The following SPAG16 variants were observed in gnomAD, a reference collection of about 807,000 sequenced individuals.
SPAG16 encodes the protein sperm-associated antigen 16 protein.
SPAG16 carries 86 observed loss-of-function variants against 80.4 expected under a neutral mutation model. The ratio of observed to expected loss-of-function variants is 1.07; its 90% CI spans 0.90 to 1.28. The LOEUF (loss-of-function observed/expected upper bound fraction) is 1.28, where lower values mean the gene tolerates loss of function less well. Among genes scored for constraint, SPAG16 ranks in the 50% most tolerant of loss-of-function variants. The pLI, the probability that SPAG16 is intolerant of heterozygous loss-of-function variation, is 0.00. For missense variants in SPAG16, 870 were observed against 765.3 expected (o/e 1.14, Z -1.61); for synonymous variants, 294 against 265.9 (o/e 1.11, Z -1.03).
chr2:213,860,437 T>TATATATAGATATATGTATATA (rs72116627), intron 10 of SPAG16, among the ~76,000 whole-genome samples: 9 of 133,606 alleles, frequency 6.7e-5, no homozygotes, highest in Middle Eastern at 3.8e-3. Flanking sequence ...ATCTATATAT[T>TATATATAGATATATGTATATA]TATAGATATA....
chr2:214,149,070 T>C, intron 14 of SPAG16, 70 bp from the exon 15 acceptor site: 2 of 362,342 alleles, frequency 5.5e-6, no homozygotes, highest in Non-Finnish European at 7.6e-6. Context: ...TATATGTGTG[T>C]GTGTGTGTAT....
At chr2:213,648,757 A>G (rs1317254707) in intron 10 of SPAG16, among the ~76,000 whole-genome samples, 2 of 152,206 alleles carry the variant, frequency 1.3e-5, no homozygotes, top group Non-Finnish European at 2.9e-5. Context: ...AGAATATCAT[A>G]TCCTCCTCCA....
chr2:213,641,579 A>G (rs1332894885), intron 10 of SPAG16, among the ~76,000 whole-genome samples: 1 of 152,182 alleles, frequency 6.6e-6, no homozygotes, highest in African/African-American at 2.4e-5. Flanking sequence ...AAAGTCAGAA[A>G]TGGCTTCCTT....
intron 10 of SPAG16, among the ~76,000 whole-genome samples, chr2:213,765,251 C>T (rs942104159): frequency 2.0e-5 from 3 of 152,114 alleles, no homozygotes; most frequent in Admixed American, 1.3e-4. Flanking sequence ...TGTCTGTAAT[C>T]CCAGCTACTC....
intron 12 of SPAG16, among the ~76,000 whole-genome samples, chr2:213,948,370 T>C (rs2079563145): frequency 6.6e-6 from 1 of 152,142 alleles, no homozygotes; most frequent in Non-Finnish European, 1.5e-5. Flanking sequence ...ACAAATCCCA[T>C]CAAAATTTGA....
intron 9 of SPAG16, among the ~76,000 whole-genome samples, chr2:213,405,554 T>A (rs2068567293): frequency 6.6e-6 from 1 of 152,210 alleles, no homozygotes; most frequent in African/African-American, 2.4e-5. Context: ...CCTATGGTGC[T>A]CTCAAACACT....
chr2:214,172,873 G>C (rs1279189676), intron 15 of SPAG16, among the ~76,000 whole-genome samples: 6 of 152,196 alleles, frequency 3.9e-5, no homozygotes, highest in Middle Eastern at 6.8e-3. Context: ...ATTTTTTCAT[G>C]TGTTTTTTGG....
intron 13 of SPAG16, among the ~76,000 whole-genome samples, chr2:214,062,418 CAAAAAAAAAAAAAAAAA>C (rs56693089): frequency 1.8e-5 from 1 of 55,372 alleles, no homozygotes; most frequent in Non-Finnish European, 3.3e-5. Flanking sequence ...GACTCTGACT[CAAAAAAAAAAAAAAAAA>C]AAAAAAAAAG....
At chr2:214,283,798 C>T (rs936366483) in intron 15 of SPAG16, among the ~76,000 whole-genome samples, 1 of 152,088 alleles carries the variant, frequency 6.6e-6, no homozygotes, top group African/African-American at 2.4e-5. Context: ...AGATATTCAG[C>T]CAATTCCTTT....
At chr2:214,204,915 A>G (rs1162529885) in intron 15 of SPAG16, among the ~76,000 whole-genome samples, 1 of 152,154 alleles carries the variant, frequency 6.6e-6, no homozygotes, top group African/African-American at 2.4e-5. Context: ...GTGAAGTCCA[A>G]ATTAATGAAA....
At chr2:213,677,691 C>A (rs2064157566) in intron 10 of SPAG16, among the ~76,000 whole-genome samples, 1 of 152,184 alleles carries the variant, frequency 6.6e-6, no homozygotes, top group Non-Finnish European at 1.5e-5. Flanking sequence ...ACCCCACTGT[C>A]AACGTTAGAC....
At chr2:213,579,461 AG>A (rs1330029077) in intron 10 of SPAG16, among the ~76,000 whole-genome samples, 1 of 152,178 alleles carries the variant, frequency 6.6e-6, no homozygotes, top group East Asian at 1.9e-4. Flanking sequence ...TCTTTTAAAA[AG>A]AAATGTACCT....
At chr2:213,722,651 T>C (rs922695839) in intron 10 of SPAG16, among the ~76,000 whole-genome samples, 2 of 152,174 alleles carry the variant, frequency 1.3e-5, no homozygotes, top group Non-Finnish European at 2.9e-5. Flanking sequence ...AGGATTATGA[T>C]GCGGTTTAGG....
At chr2:214,000,224 G>A (rs1207149410) in intron 12 of SPAG16, among the ~76,000 whole-genome samples, 2 of 152,162 alleles carry the variant, frequency 1.3e-5, no homozygotes, top group African/African-American at 4.8e-5. Flanking sequence ...CCCAGTGGGA[G>A]ATCATTTGAA....
chr2:213,594,087 T>C (rs2060805385), intron 10 of SPAG16, among the ~76,000 whole-genome samples: 1 of 152,050 alleles, frequency 6.6e-6, no homozygotes, highest in Admixed American at 6.5e-5. Context: ...CCCTGCCACA[T>C]CTTATTAAAC....
chr2:213,532,166 A>G (rs2076092044), intron 10 of SPAG16, among the ~76,000 whole-genome samples: 1 of 152,244 alleles, frequency 6.6e-6, no homozygotes. Flanking sequence ...AGAACAAAAC[A>G]AAATCTTATA....
chr2:214,000,822 G>A (rs1478043870), intron 12 of SPAG16, among the ~76,000 whole-genome samples: 1 of 152,146 alleles, frequency 6.6e-6, no homozygotes, highest in Non-Finnish European at 1.5e-5. Context: ...GGAAACAGGT[G>A]GGTTAAATAG....
Position 214,291,300 on chromosome 2 carries a change from CTTTTT to C in SPAG16, c.1721-118821_1721-118817del, listed in dbSNP as rs56771172. Among the ~76,000 whole-genome samples the C allele has an allele frequency of 6.2e-5, 5 of 80,484 alleles. No individual in the cohort carries two copies. The Admixed American group carries it at 6.4e-4, about 10-fold the overall frequency. The allele number at this position is 80,484 out of a possible 152,430, so 52.8% of individuals were successfully genotyped here. A position where few individuals can be genotyped will look rare whatever the true frequency, so the allele number is the denominator to read the frequency against. ...AGCAGTATATATTTAGATCATGTTT[CTTTTT>C]TTTTTTTTTTTTTTTTTTGAGACGG... On this transcript the variant is annotated intron_variant, in intron 15 of 15. Transcript: ENST00000331683.
At chr2:213,402,767 T>C (rs980941115) in intron 9 of SPAG16, among the ~76,000 whole-genome samples, 1 of 152,240 alleles carries the variant, frequency 6.6e-6, no homozygotes, top group Non-Finnish European at 1.5e-5. Flanking sequence ...CATCATTTTT[T>C]ATGGCTGCAT....
Sources: gnomAD v4.1 joint callset for allele counts (sites outside exome capture counted in the v4.1 genomes callset) on GRCh38, gnomAD v4.1.1 for gene constraint, MANE v1.5 for transcripts, NCBI Gene and HGNC (gene_info 2026-07-23, HGNC 2026-07-21) for gene names.